The following ANKRD30BL variants were observed in gnomAD, a reference collection of about 807,000 sequenced individuals.
The protein encoded by ANKRD30BL is ankyrin repeat domain 30B like, also known as putative ankyrin repeat domain-containing protein 30B-like.
ANKRD30BL carries 20 observed loss-of-function variants against 18.4 expected under a neutral mutation model. The observed-to-expected ratio is 1.09, with a 90% CI of 0.77 to 1.58. ANKRD30BL has a LOEUF of 1.58. ANKRD30BL is among the 40% of genes most tolerant of loss of function. The probability of loss-of-function intolerance (pLI) is 0.00; values close to 1 mark genes in which losing one functional copy is unlikely to be tolerated. For missense variants in ANKRD30BL, 224 were observed against 268.6 expected, an observed-to-expected ratio of 0.83 and a Z score of 1.16; for synonymous variants, 72 against 100.9, an observed-to-expected ratio of 0.71 and a Z score of 1.72.
chr2:132,169,644 TAAAA>T (rs60507906), intron 1 of ANKRD30BL, among the ~76,000 whole-genome samples: 24,260 of 90,126 alleles, frequency 0.27, 2,401 homozygotes, highest in South Asian at 0.36. Context: ...ATACTCTGTC[TAAAA>T]AAAAAAAAAA....
intron 1 of ANKRD30BL, among the ~76,000 whole-genome samples, chr2:132,175,137 G>C (rs1323445787): frequency 2.0e-5 from 3 of 152,120 alleles, no homozygotes; most frequent in African/African-American, 4.8e-5. Context: ...TGGGCCCAGG[G>C]GACTGGCGCT....
At chr2:132,188,551 A>T (rs958477333) in intron 1 of ANKRD30BL, among the ~76,000 whole-genome samples, 1 of 152,278 alleles carries the variant, frequency 6.6e-6, no homozygotes, top group South Asian at 2.1e-4. Flanking sequence ...TCCACTAAAA[A>T]TACAAAAAAT....
intron 1 of ANKRD30BL, among the ~76,000 whole-genome samples, chr2:132,181,178 T>C (rs2104947626): frequency 6.6e-6 from 1 of 151,574 alleles, no homozygotes; most frequent in Non-Finnish European, 1.5e-5. Flanking sequence ...AATATTAAAA[T>C]GAGGGATAAA....
At chr2:132,234,113 A>T (rs1418731301) in intron 1 of ANKRD30BL, among the ~76,000 whole-genome samples, 2 of 152,202 alleles carry the variant, frequency 1.3e-5, no homozygotes, top group Non-Finnish European at 2.9e-5. Context: ...ATGAAGGCAG[A>T]AATAAAGATG....
At chr2:132,173,301 CTT>C (rs35866741) in intron 1 of ANKRD30BL, among the ~76,000 whole-genome samples, 13 of 129,366 alleles carry the variant, frequency 1.0e-4, no homozygotes, top group African/African-American at 1.4e-4. Flanking sequence ...AATTTTGCTT[CTT>C]TTTTTTTTTT....
chr2:132,150,158 A>T (rs1687718701), intron 5 of ANKRD30BL, among the ~76,000 whole-genome samples: 1 of 152,074 alleles, frequency 6.6e-6, no homozygotes, highest in Non-Finnish European at 1.5e-5. Flanking sequence ...TTTATTACAA[A>T]AATTAAATAA....
At chr2:132,243,467 C>A (rs1268932932) in intron 1 of ANKRD30BL, among the ~76,000 whole-genome samples, 1 of 151,488 alleles carries the variant, frequency 6.6e-6, no homozygotes, top group Non-Finnish European at 1.5e-5. Flanking sequence ...AGAGTTAAAC[C>A]TTTCCTTTGA....
chr2:132,236,422 T>G, intron 1 of ANKRD30BL, among the ~76,000 whole-genome samples: 1 of 151,710 alleles, frequency 6.6e-6, no homozygotes, highest in Non-Finnish European at 1.5e-5. Context: ...TCAAACAAAT[T>G]TACAAGAAAA....
chr2:132,181,573 TAA>T (rs1200153152), intron 1 of ANKRD30BL, among the ~76,000 whole-genome samples: 2 of 152,182 alleles, frequency 1.3e-5, no homozygotes, highest in African/African-American at 4.8e-5. Context: ...ACACTCACTA[TAA>T]GAGACAAAGT....
intron 1 of ANKRD30BL, among the ~76,000 whole-genome samples, chr2:132,254,559 T>TA (rs1680768708): frequency 1.3e-5 from 2 of 152,192 alleles, no homozygotes; most frequent in Non-Finnish European, 2.9e-5. Flanking sequence ...GACCAGCACT[T>TA]ACTGGGAATT....
At chr2:132,247,037 C>G (rs147795734) in intron 1 of ANKRD30BL, among the ~76,000 whole-genome samples, 3 of 145,130 alleles carry the variant, frequency 2.1e-5, no homozygotes, top group Admixed American at 7.0e-5. Flanking sequence ...TTGCATTCAT[C>G]TCACAGAGTT....
At chr2:132,167,418 A>G (rs1051540890) in intron 1 of ANKRD30BL, among the ~76,000 whole-genome samples, 8 of 151,830 alleles carry the variant, frequency 5.3e-5, no homozygotes, top group African/African-American at 1.9e-4. Context: ...TCCACATCTC[A>G]GGTTAAAGTG....
intron 1 of ANKRD30BL, among the ~76,000 whole-genome samples, chr2:132,248,735 C>T (rs1264960617): frequency 2.0e-5 from 3 of 152,042 alleles, no homozygotes; most frequent in Admixed American, 6.6e-5. Flanking sequence ...TGAATGCACA[C>T]CTTGCAAAAC....
At chr2:132,250,180 C>A (rs191446760) in intron 1 of ANKRD30BL, among the ~76,000 whole-genome samples, 1 of 152,240 alleles carries the variant, frequency 6.6e-6, no homozygotes. Flanking sequence ...CACCATAGAC[C>A]TCAAAGCACT....
intron 1 of ANKRD30BL, among the ~76,000 whole-genome samples, chr2:132,219,230 G>A (rs1313918452): frequency 6.6e-6 from 1 of 152,024 alleles, no homozygotes. Context: ...CTGTATCATA[G>A]AGCAGTTTTG....
chr2:132,250,030 C>G (rs537135111), intron 1 of ANKRD30BL, among the ~76,000 whole-genome samples: 2 of 152,190 alleles, frequency 1.3e-5, no homozygotes, highest in East Asian at 3.9e-4. Context: ...ACAAATATCC[C>G]TCTGCACATT....
intron 1 of ANKRD30BL, among the ~76,000 whole-genome samples, chr2:132,227,326 G>A (rs1367748768): frequency 1.3e-5 from 2 of 152,120 alleles, no homozygotes; most frequent in African/African-American, 4.8e-5. Flanking sequence ...TGTAGAATCT[G>A]CAAGTGGACA....
At chr2:132,222,832 T>TAAAAAAAAAAAAAAAAAAAAAA (rs71001178) in intron 1 of ANKRD30BL, among the ~76,000 whole-genome samples, 1 of 52,808 alleles carries the variant, frequency 1.9e-5, no homozygotes, top group African/African-American at 5.2e-5. Flanking sequence ...GAATGATCAA[T>TAAAAAAAAAAAAAAAAAAAAAA]AAAAAAAAAA....
intron 1 of ANKRD30BL, among the ~76,000 whole-genome samples, chr2:132,241,721 T>G (rs113056870): frequency 6.6e-6 from 1 of 151,708 alleles, no homozygotes; most frequent in Non-Finnish European, 1.5e-5. Flanking sequence ...CTGAGAAACT[T>G]CTTTCTGATG....
Sources: allele counts gnomAD v4.1 joint callset (sites outside exome capture counted in the v4.1 genomes callset), GRCh38; gene constraint gnomAD v4.1.1; transcripts MANE v1.5; gene names NCBI Gene and HGNC (gene_info 2026-07-23, HGNC 2026-07-21).